LPIN1: variants seen among roughly 807,000 people sequenced by gnomAD.
LPIN1 encodes the protein phosphatidate phosphatase LPIN1.
In LPIN1, 71 loss-of-function variants were observed where a neutral mutation model predicts 107.5. The observed-to-expected ratio is 0.66, with a 90% CI of 0.55 to 0.80. The LOEUF is 0.80. LPIN1 is among the 30% of genes least tolerant of loss of function. LPIN1 has a pLI of 0.00. For synonymous variants in LPIN1, 445 were observed against 452.6 expected, an observed-to-expected ratio of 0.98 and a Z score of 0.21; for missense variants, 1,043 against 1,160.6, an observed-to-expected ratio of 0.90 and a Z score of 1.47.
At chr2:11,781,074 T>C (rs532198579) in intron 7 of LPIN1, among the ~76,000 whole-genome samples, 1 of 152,368 alleles carries the variant, frequency 6.6e-6, no homozygotes, top group Admixed American at 6.5e-5. Context: ...CCTTAGAAGA[T>C]GCTATAGCCT....
intron 2 of LPIN1, 127 bp from the exon 3 acceptor site, chr2:11,767,636 T>C (rs2148624899): frequency 2.8e-6 from 2 of 727,172 alleles, no homozygotes; most frequent in East Asian, 5.4e-5. Context: ...TGACTGAGAC[T>C]GGGAGTTGTG....
upstream of LPIN1, chr2:11,742,245 G>C (rs1211448155): frequency 6.6e-6 from 1 of 152,180 alleles, no homozygotes. Context: ...GCTCCCATCA[G>C]ATTCTAATAC....
rs201629518 is a variant in LPIN1 at position 11,696,374 on chromosome 2, C to T, written c.82-17382C>T. 6.6e-5 allele frequency among the ~76,000 whole-genome samples: 10 copies of T among 152,186 alleles called. No individual in the cohort carries two copies. In the East Asian group the frequency reaches 1.9e-3, roughly 29 times the overall value. ...ATGCCAGAATCCCCAGCTTCCCATGCAGGCTGGGGACATAGTGGGTTCTCC... is the reference window on the plus strand; with the variant it reads ...ATGCCAGAATCCCCAGCTTCCCATGTAGGCTGGGGACATAGTGGGTTCTCC... On this transcript the variant is annotated intron_variant, in intron 1 of 21. Coordinates refer to the LPIN1 transcript ENST00000449576.
chr2:11,788,442 A>C lies in LPIN1; in HGVS notation c.1699A>C (p.Lys567Gln). ...CCTCCTGGCAATGCAGGCCTTCCAG[A>C]AACCTTTGCCAAAGGTGAGCTTTAA... ...PLLLAMQAFQ[K>Q]PLPKATVESI... The change falls in exon 12 of 21, where the codon AAA (lysine) becomes CAA (glutamine). Residue 567 changes from lysine (K) to glutamine (Q), a missense_variant. By Grantham distance (53) the Lys-to-Gln change is moderately conservative (BLOSUM62 1). Coordinates refer to ENST00000674199, the MANE Select transcript of LPIN1 (RefSeq NM_001349206.2). 1 of 1,613,870 alleles carries C rather than the reference A, an allele frequency of 6.2e-7. No homozygotes were observed. The highest frequency in any genetic ancestry group is 2.2e-5 in the East Asian group (1 of 44,886).
intron 14 of LPIN1, among the ~76,000 whole-genome samples, chr2:11,800,906 G>T (rs1677603574): frequency 6.6e-6 from 1 of 152,136 alleles, no homozygotes; most frequent in Non-Finnish European, 1.5e-5. Flanking sequence ...TTTTGAATGA[G>T]GAGTTTGCAC....
At chr2:11,710,025 A>G (rs1390822128) in intron 1 of LPIN1, among the ~76,000 whole-genome samples, 1 of 152,200 alleles carries the variant, frequency 6.6e-6, no homozygotes. Context: ...TGGGAATTCA[A>G]TTTCAGCTTC....
At chr2:11,813,430 A>T (rs1176916528) in intron 17 of LPIN1, among the ~76,000 whole-genome samples, 1 of 152,102 alleles carries the variant, frequency 6.6e-6, no homozygotes, top group East Asian at 1.9e-4. Context: ...CTTGGGGAAG[A>T]CAGAAAAGGT....
chr2:11,707,834 T>C lies in LPIN1; in HGVS notation c.82-5922T>C, dbSNP rs1663205831. ...GACCTTACCATTGAGCCAGGCATGA[T>C]TACTTCCTTCAAATGACTCTTCTGA... is the stretch of plus-strand genomic sequence containing the variant. On this transcript the variant is annotated intron_variant, in intron 1 of 21. Coordinates refer to the LPIN1 transcript ENST00000449576. The surrounding 1 kb of genome is among the most constrained non-coding windows in gnomAD (Gnocchi z 4.2). Among the ~76,000 whole-genome samples the C allele has an allele frequency of 6.6e-6, 1 of 152,128 alleles. No homozygotes were observed.
At chr2:11,760,157 G>A (rs1669542199) in intron 1 of LPIN1, among the ~76,000 whole-genome samples, 4 of 151,620 alleles carry the variant, frequency 2.6e-5, no homozygotes, top group Admixed American at 2.6e-4. Flanking sequence ...CTTCCTAGAC[G>A]GGATGGCGGC....
At chr2:11,792,819 G>A (rs1406937402) in intron 13 of LPIN1, among the ~76,000 whole-genome samples, 3 of 152,004 alleles carry the variant, frequency 2.0e-5, no homozygotes, top group Non-Finnish European at 4.4e-5. Context: ...TCAGATCTTC[G>A]TTGCCCTCTC....
At position 11,804,489 on chromosome 2, in the gene LPIN1, A is replaced by C. The variant is rs1232848377; in HGVS notation, c.2080A>C (p.Thr694Pro). 1 of 1,614,114 alleles carries C rather than the reference A, an allele frequency of 6.2e-7. No homozygotes were observed. The highest frequency in any genetic ancestry group is 8.5e-7 in the Non-Finnish European group (1 of 1,180,032). ...CAGTGTCACCACGCAGTACCAAGGC[A>C]CGTGCCGCTGTGAGGGCACCATCTA... Reference protein sequence around the residue: ...VFSVTTQYQGTCRCEGTIYLW... With the variant: ...VFSVTTQYQGPCRCEGTIYLW... Residue 694 changes from threonine to proline, a missense_variant, in exon 16 of 21, where the codon ACG becomes CCG. Transcript: ENST00000674199.
At chr2:11,727,527 C>T (rs1169879536) in intron 1 of LPIN1, among the ~76,000 whole-genome samples, 1 of 152,178 alleles carries the variant, frequency 6.6e-6, no homozygotes, top group Non-Finnish European at 1.5e-5. Context: ...TGCTTGTGTG[C>T]TCACTGCTAG....
intron 14 of LPIN1, 70 bp downstream of exon 14, chr2:11,795,557 G>A: frequency 7.4e-7 from 1 of 1,351,742 alleles, no homozygotes; most frequent in Middle Eastern, 2.2e-4. Context: ...TGTGCTGCCT[G>A]GATGCAGATA....
intron 11 of LPIN1, among the ~76,000 whole-genome samples, chr2:11,787,834 G>A (rs895572616): frequency 1.3e-5 from 2 of 151,958 alleles, no homozygotes; most frequent in Non-Finnish European, 1.5e-5. Context: ...CCAGCTACTC[G>A]GGAGGATGAG....
chr2:11,752,432 C>CTTTTTTTTTTTT (rs1354955148), intron 1 of LPIN1, among the ~76,000 whole-genome samples: 17 of 82,664 alleles, frequency 2.1e-4, no homozygotes, highest in African/African-American at 1.3e-3. Context: ...GTTCCAAGGC[C>CTTTTTTTTTTTT]ATTTTTTTTT....
At chr2:11,683,758 A>T (rs1661855409) in intron 1 of LPIN1, among the ~76,000 whole-genome samples, 1 of 152,136 alleles carries the variant, frequency 6.6e-6, no homozygotes, top group Admixed American at 6.5e-5. Context: ...GCTGGTGTTT[A>T]TGTGAACATC....
In LPIN1 at chr2:11,708,388, A is replaced by G. The variant is rs183765917; in HGVS notation, c.82-5368A>G. The stretch of plus-strand genomic sequence containing the variant: ...TGACTCCAAGGACAGATTTGGGTGG[A>G]GGGTCAACCTTCGACTGGGAGGAAG... On this transcript the variant is annotated intron_variant, in intron 1 of 21. Transcript: ENST00000449576. 6.6e-5 allele frequency among the ~76,000 whole-genome samples: 10 copies of G among 152,186 alleles called. No homozygotes were observed. In the East Asian group the frequency reaches 1.9e-3, roughly 29 times the overall value.
chr2:11,727,863 T>C (rs1664812897), intron 1 of LPIN1, among the ~76,000 whole-genome samples: 1 of 152,236 alleles, frequency 6.6e-6, no homozygotes, highest in Non-Finnish European at 1.5e-5. Context: ...TCCACATCCA[T>C]GGATTCAACC....
chr2:11,719,919 T>C (rs971191502), upstream of LPIN1, among the ~76,000 whole-genome samples: 1 of 152,010 alleles, frequency 6.6e-6, no homozygotes, highest in Non-Finnish European at 1.5e-5. Context: ...TTTTGTTCAG[T>C]GAATTCTGAG....
Sources: allele counts gnomAD v4.1 joint callset (sites outside exome capture counted in the v4.1 genomes callset), GRCh38; gene constraint gnomAD v4.1.1; non-coding constraint Gnocchi (gnomAD v3.1); transcripts MANE v1.5; gene names NCBI Gene and HGNC (gene_info 2026-07-23, HGNC 2026-07-21).